SRBD1: variants seen among roughly 807,000 people sequenced by gnomAD.
The protein encoded by SRBD1 is S1 RNA binding domain 1.
SRBD1 carries 88 observed loss-of-function variants against 115.3 expected under a neutral mutation model. The ratio of observed to expected loss-of-function variants is 0.76; its 90% confidence interval spans 0.64 to 0.91. The LOEUF is 0.91. Ranked by LOEUF, SRBD1 falls within the 40% of genes least tolerant of loss-of-function variation. The pLI, the probability that SRBD1 is intolerant of heterozygous loss-of-function variation, is 0.00. For synonymous variants in SRBD1, 509 were observed against 407.7 expected, an observed-to-expected ratio of 1.25 and a Z score of -2.99; for missense variants, 1,385 against 1,177.4, an observed-to-expected ratio of 1.18 and a Z score of -2.58.
At chr2:45,485,028 G>A (rs1670076204) in intron 15 of SRBD1, among the ~76,000 whole-genome samples, 4 of 152,100 alleles carry the variant, frequency 2.6e-5, no homozygotes, top group Admixed American at 2.6e-4. Context: ...TATAAATAAT[G>A]CTGCTATAAG....
intron 16 of SRBD1, among the ~76,000 whole-genome samples, chr2:45,450,358 G>C (rs1668956985): frequency 6.6e-6 from 1 of 152,072 alleles, no homozygotes; most frequent in Admixed American, 6.6e-5. Context: ...AGGTATAATT[G>C]AGTAAATGAA....
At chr2:45,456,302 C>G (rs1331814878) in intron 16 of SRBD1, among the ~76,000 whole-genome samples, 1 of 151,814 alleles carries the variant, frequency 6.6e-6, no homozygotes, top group African/African-American at 2.4e-5. Context: ...TTTCTGCTGA[C>G]CGAGGTGAGA....
chr2:45,593,105 G>A (rs777128878), intron 4 of SRBD1, among the ~76,000 whole-genome samples: 5 of 152,068 alleles, frequency 3.3e-5, no homozygotes, highest in African/African-American at 9.7e-5. Flanking sequence ...AGGCACTCTC[G>A]AGAATTTTTT....
intron 11 of SRBD1, 70 bp downstream of exon 11, chr2:45,553,553 C>A (rs769429349): frequency 1.8e-5 from 17 of 957,532 alleles, no homozygotes; most frequent in Non-Finnish European, 2.5e-5. Flanking sequence ...ACATTAGCTA[C>A]ACACTGTAAT....
intron 19 of SRBD1, among the ~76,000 whole-genome samples, chr2:45,406,078 A>G (rs1667428330): frequency 6.6e-6 from 1 of 152,158 alleles, no homozygotes. Context: ...AGCTATTATA[A>G]AAAACCTTAT....
intron 16 of SRBD1, among the ~76,000 whole-genome samples, chr2:45,471,779 G>C (rs1483696360): frequency 2.0e-5 from 3 of 152,016 alleles, no homozygotes; most frequent in Admixed American, 2.0e-4. Context: ...ACAGTAAATG[G>C]TATGTAGTGG....
chr2:45,486,263 A>G (rs1670115827), intron 15 of SRBD1, among the ~76,000 whole-genome samples: 1 of 152,104 alleles, frequency 6.6e-6, no homozygotes. Flanking sequence ...TGGTCTAAAT[A>G]TTTTTTCCAA....
At chr2:45,585,077 G>C (rs1217946569) in intron 5 of SRBD1, among the ~76,000 whole-genome samples, 1 of 151,750 alleles carries the variant, frequency 6.6e-6, no homozygotes, top group African/African-American at 2.4e-5. Context: ...CTGAGCCTGG[G>C]ATACAGAGAT....
At chr2:45,498,042 C>T (rs1670515489) in intron 14 of SRBD1, among the ~76,000 whole-genome samples, 1 of 152,146 alleles carries the variant, frequency 6.6e-6, no homozygotes, top group African/African-American at 2.4e-5. Flanking sequence ...ATGAAGGCTC[C>T]AGTTTGTTCA....
intron 8 of SRBD1, among the ~76,000 whole-genome samples, 180 bp from the exon 9 acceptor site, chr2:45,573,522 C>T (rs952091861): frequency 6.6e-6 from 1 of 152,068 alleles, no homozygotes; most frequent in Admixed American, 6.6e-5. Context: ...CCTATTCATA[C>T]TAGCATAGTC....
At chr2:45,485,803 C>G (rs1020812277) in intron 15 of SRBD1, among the ~76,000 whole-genome samples, 1 of 152,122 alleles carries the variant, frequency 6.6e-6, no homozygotes, top group African/African-American at 2.4e-5. Context: ...AAAGTCACCC[C>G]TGGCATCAAT....
In SRBD1 at chr2:45,416,233, A is replaced by G. The variant is rs374823015; in HGVS notation, c.2333+2132T>C. 1.5e-4 allele frequency among the ~76,000 whole-genome samples: 23 copies of G among 151,516 alleles called. No individual in the cohort carries two copies. The East Asian group carries it at 1.7e-3, about 11-fold the overall frequency. On this transcript the variant is annotated intron_variant, in intron 18 of 20. Transcript: ENST00000263736. ...ATCTAGCTATGTGTTTCTAAGAGCC[A>G]TATCAAAAATTAAATGTCATAGAAA...
chr2:45,419,891 C>T lies in SRBD1; in HGVS notation c.2053G>A (p.Asp685Asn). ...GCCTTGAGTAAAGTCTGGGATACGTCATGCTGAAAAGACAAAGATCAAATA... is the reference window on the plus strand; with the variant it reads ...GCCTTGAGTAAAGTCTGGGATACGTTATGCTGAAAAGACAAAGATCAAATA... ...KHIGVGMYQH[D>N]VSQTLLKATL... Residue 685 changes from aspartate (D) to asparagine (N), a missense_variant, in exon 17 of 21, where the codon GAC (aspartate) becomes AAC (asparagine). Coordinates refer to ENST00000263736, the MANE Select transcript of SRBD1 (RefSeq NM_018079.5). 2 of 1,612,562 alleles carry T rather than the reference C, an allele frequency of 1.2e-6. No homozygotes were observed. The highest frequency in any genetic ancestry group is 1.3e-5 in the African/African-American group (1 of 75,030).
At chr2:45,554,127 T>G (rs1672395036) in intron 10 of SRBD1, among the ~76,000 whole-genome samples, 1 of 152,114 alleles carries the variant, frequency 6.6e-6, no homozygotes, top group South Asian at 2.1e-4. Context: ...ATAATCAGGT[T>G]TAGATGAAGT....
At chr2:45,567,303 A>T (rs899750272) in intron 9 of SRBD1, among the ~76,000 whole-genome samples, 1 of 152,202 alleles carries the variant, frequency 6.6e-6, no homozygotes, top group Admixed American at 6.5e-5. Context: ...CAGAAATAGA[A>T]CAATCACTTA....
At chr2:45,472,740 T>G (rs1669687744) in intron 16 of SRBD1, among the ~76,000 whole-genome samples, 1 of 152,344 alleles carries the variant, frequency 6.6e-6, no homozygotes, top group South Asian at 2.1e-4. Context: ...TTTAGAAAAG[T>G]TTGTAATATG....
intron 16 of SRBD1, among the ~76,000 whole-genome samples, chr2:45,465,707 T>C (rs1669466677): frequency 6.6e-6 from 1 of 152,230 alleles, no homozygotes; most frequent in African/African-American, 2.4e-5. Context: ...CTTTTTAATG[T>C]AACCTTGATT....
intron 18 of SRBD1, among the ~76,000 whole-genome samples, chr2:45,415,866 G>C (rs889330473): frequency 6.6e-6 from 1 of 151,424 alleles, no homozygotes; most frequent in Non-Finnish European, 1.5e-5. Flanking sequence ...GAGGCAGAGA[G>C]AGTTGAAGAG....
intron 15 of SRBD1, among the ~76,000 whole-genome samples, chr2:45,485,264 A>T (rs1670083243): frequency 6.6e-6 from 1 of 152,186 alleles, no homozygotes; most frequent in African/African-American, 2.4e-5. Context: ...ATCCCAGGTT[A>T]GTTCTGTATT....
Sources: allele counts gnomAD v4.1 joint callset (sites outside exome capture counted in the v4.1 genomes callset), GRCh38; gene constraint gnomAD v4.1.1; transcripts MANE v1.5; gene names NCBI Gene and HGNC (gene_info 2026-07-23, HGNC 2026-07-21).